The following ASXL2 variants were observed in gnomAD, a reference collection of about 807,000 sequenced individuals.
ASXL2 encodes putative Polycomb group protein ASXL2.
In ASXL2, 23 loss-of-function variants were observed where a neutral mutation model predicts 122.0. The ratio of observed to expected loss-of-function variants is 0.19; its 90% CI spans 0.14 to 0.27. The LOEUF (loss-of-function observed/expected upper bound fraction) is 0.27. ASXL2 is among the 10% of genes least tolerant of loss of function. ASXL2 has a pLI of 1.00. For missense variants in ASXL2, 1,518 were observed against 1,713.8 expected (o/e 0.89, Z 2.02); for synonymous variants, 650 against 637.0 (o/e 1.02, Z -0.31).
At chr2:25,854,260 T>C (rs767474612) in intron 1 of ASXL2, among the ~76,000 whole-genome samples, 1 of 152,224 alleles carries the variant, frequency 6.6e-6, no homozygotes, top group Non-Finnish European at 1.5e-5. Flanking sequence ...TCAAACTCTT[T>C]AGAGTTAATA....
intron 1 of ASXL2, among the ~76,000 whole-genome samples, chr2:25,851,907 A>G (rs1292142922): frequency 6.6e-6 from 1 of 152,194 alleles, no homozygotes; most frequent in Non-Finnish European, 1.5e-5. Context: ...CAAAAAAAGA[A>G]AGAAAATGTG....
At chr2:25,827,788 T>G (rs546870072) in intron 3 of ASXL2, among the ~76,000 whole-genome samples, 3 of 152,158 alleles carry the variant, frequency 2.0e-5, no homozygotes, top group Admixed American at 6.5e-5. Flanking sequence ...GGCCCCAAAA[T>G]GAGAGGTTCT....
intron 3 of ASXL2, among the ~76,000 whole-genome samples, chr2:25,826,037 C>T (rs535333207): frequency 2.6e-5 from 4 of 152,260 alleles, no homozygotes; most frequent in Admixed American, 6.5e-5. Context: ...AAGCATACAA[C>T]GTGGTGGGCG....
At chr2:25,766,134 T>G (rs2088345893) in intron 8 of ASXL2, among the ~76,000 whole-genome samples, 1 of 152,222 alleles carries the variant, frequency 6.6e-6, no homozygotes, top group African/African-American at 2.4e-5. Flanking sequence ...ATGTTGCTGC[T>G]AAGGATATCT....
At chr2:25,852,014 T>C (rs966536997) in intron 1 of ASXL2, among the ~76,000 whole-genome samples, 3 of 149,826 alleles carry the variant, frequency 2.0e-5, no homozygotes, top group African/African-American at 4.9e-5. Flanking sequence ...CATATATTAC[T>C]GAGCAAACAT....
Position 25,768,873 on chromosome 2 carries a change from A to G in ASXL2, c.505-5T>C, listed in dbSNP as rs748990907. 8.1e-6 allele frequency: 13 copies of G among 1,613,188 alleles called. No homozygotes were observed. Among genetic ancestry groups the G allele is most frequent in the East Asian group, 4.5e-5 (2 of 44,886 alleles). ...CTGCTGTTGCTGCTTTAGCGCCTAT[A>G]AAGATAAAACAGACTATAAGAAACA... is the stretch of plus-strand genomic sequence containing the variant. On this transcript the variant is annotated splice_region_variant and splice_polypyrimidine_tract_variant and intron_variant, in intron 6 of 12. Transcript: ENST00000435504.
chr2:25,738,192 TTAAAA>T lies in ASXL2; in HGVS notation c.*3832_*3836del, dbSNP rs1309923510. On this transcript the variant is annotated 3_prime_UTR_variant, in exon 13 of 13. Coordinates refer to ENST00000435504, the MANE Select transcript of ASXL2 (RefSeq NM_018263.6). ...TTACAGATATTAAAATATATATTAC[TTAAAA>T]TATATTACTGGAAAGCTATTTTTAA... is the stretch of plus-strand genomic sequence containing the variant. 3 of 152,112 alleles carry T rather than the reference TTAAAA, an allele frequency of 2.0e-5. No homozygotes were observed. Among genetic ancestry groups the T allele is most frequent in the Non-Finnish European group, 2.9e-5 (2 of 68,008 alleles). The allele number at this position is 152,112 out of a possible 1,614,324, so 9.4% of individuals were successfully genotyped here.
intron 5 of ASXL2, among the ~76,000 whole-genome samples, chr2:25,784,057 A>T (rs2088695272): frequency 1.5e-5 from 1 of 68,364 alleles, no homozygotes; most frequent in Non-Finnish European, 3.6e-5. Flanking sequence ...CCATCTCTAA[A>T]TAAATAAATA....
At chr2:25,793,147 C>T (rs1330244280) in intron 5 of ASXL2, among the ~76,000 whole-genome samples, 3 of 151,772 alleles carry the variant, frequency 2.0e-5, no homozygotes, top group Non-Finnish European at 4.4e-5. Context: ...GCAGGAGAAT[C>T]GCTTGAACCC....
chr2:25,739,089 A>G lies in ASXL2; in HGVS notation c.*2940T>C, dbSNP rs533419778. 2.0e-5 allele frequency: 3 copies of G among 152,348 alleles called. No individual in the cohort carries two copies. The South Asian group carries it at 6.2e-4, about 32-fold the overall frequency. 9.4% of individuals were successfully genotyped at this position (152,348 alleles called of 1,614,324 possible). On this transcript the variant is annotated 3_prime_UTR_variant, in exon 13 of 13. Transcript: ENST00000435504. ...AGACTGAGACTATATTATTGATGCT[A>G]TCTCCTGGGGTGACCTGCAGTGGAG...
At chr2:25,848,393 T>A (rs1200841851) in intron 1 of ASXL2, among the ~76,000 whole-genome samples, 1 of 151,378 alleles carries the variant, frequency 6.6e-6, no homozygotes, top group African/African-American at 2.4e-5. Flanking sequence ...GAGGCCGAGA[T>A]AGGTGGATCA....
chr2:25,753,410 AC>A (rs2149142850), intron 11 of ASXL2, 123 bp downstream of exon 11: 6 of 634,538 alleles, frequency 9.5e-6, no homozygotes, highest in Middle Eastern at 2.8e-4. Context: ...AAAAAAAAAA[AC>A]AAAATAAAAC....
At chr2:25,876,251 A>T (rs916000644) in intron 1 of ASXL2, among the ~76,000 whole-genome samples, 1 of 152,260 alleles carries the variant, frequency 6.6e-6, no homozygotes, top group African/African-American at 2.4e-5. Context: ...ACTATTTTTC[A>T]CATAGCTAGC....
At chr2:25,801,615 A>T (rs950045640) in intron 4 of ASXL2, among the ~76,000 whole-genome samples, 5 of 152,200 alleles carry the variant, frequency 3.3e-5, no homozygotes, top group Admixed American at 3.3e-4. Context: ...AAATATAAAT[A>T]TAATTATCTT....
chr2:25,747,607 G>A (rs1240435577), intron 12 of ASXL2, among the ~76,000 whole-genome samples: 1 of 152,164 alleles, frequency 6.6e-6, no homozygotes, highest in Non-Finnish European at 1.5e-5. Flanking sequence ...GACAGAATAT[G>A]ATGTAACCCA....
rs576896992 is a variant in ASXL2 at position 25,735,055 on chromosome 2, C to T, written c.*6974G>A. On this transcript the variant is annotated 3_prime_UTR_variant, in exon 13 of 13. Transcript: ENST00000435504. ...AGGTTCTTTTGGGTTTGAAGAAGCA[C>T]GAAAAGCAAGGTTGCAGTTACTTTT... The T allele has an allele frequency of 3.3e-5, 5 of 152,228 alleles. No individual in the cohort carries two copies. The South Asian group carries it at 1.0e-3, about 32-fold the overall frequency. 9.4% of individuals were successfully genotyped at this position (152,228 alleles called of 1,614,324 possible). A position where few individuals can be genotyped will look rare whatever the true frequency, so the allele number is the denominator to read the frequency against.
At position 25,750,256 on chromosome 2, in the gene ASXL2, C is replaced by T; in HGVS notation, c.1300G>A (p.Glu434Lys). The T allele has an allele frequency of 6.2e-7, 1 of 1,614,000 alleles. No individual in the cohort carries two copies. The highest frequency in any genetic ancestry group is 8.5e-7 in the Non-Finnish European group (1 of 1,179,884). Residue 434 changes from glutamate (E) to lysine (K), a missense_variant, in exon 12 of 13, where the codon GAA becomes AAA. Transcript: ENST00000435504. The stretch of plus-strand genomic sequence containing the variant: ...CCTGGTGATGACATTTGCAATGCTT[C>T]TTCTTTACACTCTGACTGGGAGACT... Reference protein sequence around the residue: ...PVVSQSECKEEALQMSSPGRK... With the variant: ...PVVSQSECKEKALQMSSPGRK...
At position 25,734,152 on chromosome 2, in the gene ASXL2, C is replaced by A. The variant is rs1348375439; in HGVS notation, c.*7877G>T. 1 of 150,270 alleles carries A rather than the reference C, an allele frequency of 6.7e-6. No individual in the cohort carries two copies. Among genetic ancestry groups the A allele is most frequent in the African/African-American group, 2.5e-5 (1 of 40,746 alleles). 9.3% of individuals were successfully genotyped at this position (150,270 alleles called of 1,614,324 possible). On this transcript the variant is annotated 3_prime_UTR_variant, in exon 13 of 13. Coordinates refer to ENST00000435504, the MANE Select transcript of ASXL2 (RefSeq NM_018263.6). ...GTTTCATTTGTTATGTTCTCTAGAT[C>A]TTTCATGGATTCTAGAAATTTTGTG...
intron 5 of ASXL2, among the ~76,000 whole-genome samples, chr2:25,779,931 G>A (rs111896646): frequency 9.3e-4 from 141 of 152,122 alleles, no homozygotes; most frequent in African/African-American, 3.1e-3. Context: ...GCAATGGCAC[G>A]ATCTTGGCTT....
Sources: allele counts gnomAD v4.1 joint callset (sites outside exome capture counted in the v4.1 genomes callset), GRCh38; gene constraint gnomAD v4.1.1; transcripts MANE v1.5; gene names NCBI Gene and HGNC (gene_info 2026-07-23, HGNC 2026-07-21).